The following SLIT1 variants were observed in gnomAD, a reference collection of about 807,000 sequenced individuals.
The protein encoded by SLIT1 is slit homolog 1 protein.
Under a neutral mutation model 186.1 loss-of-function variants are expected in SLIT1, and 66 were observed. The observed-to-expected ratio is 0.35, with a 90% CI of 0.29 to 0.44. The LOEUF is 0.44. SLIT1 is among the 20% of genes least tolerant of loss of function. The pLI, the probability that SLIT1 is intolerant of heterozygous loss-of-function variation, is 1.00. For missense variants in SLIT1, 1,638 were observed against 2,037.4 expected, an observed-to-expected ratio of 0.80 and a Z score of 3.77; for synonymous variants, 761 against 833.8, an observed-to-expected ratio of 0.91 and a Z score of 1.50.
chr10:97,102,046 A>G (rs190929900), intron 4 of SLIT1: 137 of 152,358 alleles, frequency 9.0e-4, no homozygotes, highest in African/African-American at 3.2e-3. Context: ...AGCTTGGACG[A>G]GCAGAATCAG....
At chr10:97,007,936 G>C (rs2134589418) in intron 31 of SLIT1, among the ~76,000 whole-genome samples, 1 of 148,462 alleles carries the variant, frequency 6.7e-6, no homozygotes, top group African/African-American at 2.5e-5. Context: ...GGAAGTTCTA[G>C]CCATGGCAGT....
chr10:97,074,490 G>C (rs750961767), intron 4 of SLIT1, among the ~76,000 whole-genome samples: 6 of 152,200 alleles, frequency 3.9e-5, no homozygotes, highest in Non-Finnish European at 7.4e-5. Context: ...AGGCAGGCAC[G>C]AGCAAGCACT....
chr10:97,052,148 G>C lies in SLIT1; in HGVS notation c.1302-3030C>G, dbSNP rs975412643. On this transcript the variant is annotated intron_variant, in intron 13 of 36. Transcript: ENST00000266058. ...TCGGTCTCAGGCTGTCACCCAGCCT[G>C]TGTGCAGTGGTGCAATCAGCTCATT... Among the ~76,000 whole-genome samples the C allele has an allele frequency of 1.2e-4, 17 of 138,376 alleles. No individual in the cohort carries two copies. In the East Asian group the frequency reaches 2.9e-3, roughly 23 times the overall value. 90.8% of individuals were successfully genotyped at this position (138,376 alleles called of 152,430 possible).
chr10:97,149,260 C>T (rs1238672263), intron 4 of SLIT1, among the ~76,000 whole-genome samples: 1 of 152,218 alleles, frequency 6.6e-6, no homozygotes, highest in African/African-American at 2.4e-5. Flanking sequence ...CGGAGACTCC[C>T]GTGCCGGCCC....
intron 16 of SLIT1, 46 bp from the exon 17 acceptor site, chr10:97,047,111 T>C: frequency 8.0e-7 from 1 of 1,242,406 alleles, no homozygotes; most frequent in Non-Finnish European, 1.2e-6. Context: ...ATGATGGACA[T>C]TTCAAATCCC....
intron 25 of SLIT1, among the ~76,000 whole-genome samples, chr10:97,030,305 C>T (rs1372406176): frequency 1.3e-5 from 2 of 152,200 alleles, no homozygotes; most frequent in Non-Finnish European, 1.5e-5. Context: ...TTATCCTGCA[C>T]TGTGTGAAGT....
At chr10:97,053,698 A>G (rs1848811593) in intron 13 of SLIT1, among the ~76,000 whole-genome samples, 2 of 152,232 alleles carry the variant, frequency 1.3e-5, no homozygotes, top group Non-Finnish European at 2.9e-5. Context: ...CAGGCTCAGA[A>G]TTAAAGATGT....
At chr10:97,105,170 G>A (rs2636776) in intron 4 of SLIT1, among the ~76,000 whole-genome samples, 1 of 151,962 alleles carries the variant, frequency 6.6e-6, no homozygotes, top group Admixed American at 6.5e-5. Flanking sequence ...AAGAAGGGGG[G>A]CATGCTCCTT....
chr10:97,128,249 G>A (rs1849621697), intron 4 of SLIT1, among the ~76,000 whole-genome samples: 2 of 152,148 alleles, frequency 1.3e-5, no homozygotes, highest in Non-Finnish European at 2.9e-5. Context: ...GCAAGCCTGA[G>A]CCAGGGAGTC....
rs1200814381 is a variant in SLIT1, at chr10:97,068,670, C to G, written c.414-2584G>C. Among the ~76,000 whole-genome samples, 4 of 152,212 alleles carry G rather than the reference C, an allele frequency of 2.6e-5. No homozygotes were observed. Among genetic ancestry groups the G allele is most frequent in the African/African-American group, 9.6e-5 (4 of 41,454 alleles). On this transcript the variant is annotated intron_variant, in intron 4 of 36. Transcript: ENST00000266058. This position sits in a 1 kb window ranked among gnomAD's most constrained non-coding sequence, Gnocchi z 4.2. ...GCATCTCCCCTTCTTGTGGGGGAAG[C>G]TTCCTCCTCCCGCACTCGCCCGGCC...
rs948019800 is a variant in SLIT1 at position 97,095,620 on chromosome 10, C to A, written c.414-29534G>T. On this transcript the variant is annotated intron_variant, in intron 4 of 36. Coordinates refer to ENST00000266058, the MANE Select transcript of SLIT1 (RefSeq NM_003061.3). ...TACCGATTGGTCCCTGAAGCTATTC[C>A]CCCTGGTTAGAAAAGCCACCATACT... Among the ~76,000 whole-genome samples, 3 of 152,266 alleles carry A rather than the reference C, an allele frequency of 2.0e-5. No individual in the cohort carries two copies. In the East Asian group the frequency reaches 5.8e-4, roughly 29 times the overall value.
At position 97,063,542 on chromosome 10, in the gene SLIT1, TG is replaced by T; in HGVS notation, c.705del (p.Ile236SerfsTer76). ...WLSQWLRQRPTIGLFTQCSGP... is the reference protein window; with the variant it reads ...WLSQWLRQRPXIGLFTQCSGP... The stretch of plus-strand genomic sequence containing the variant: ...CCCGAGCACTGGGTGAAGAGCCCGA[TG>T]GTTGGCCGCTGCCTCAGCCACTGCG... On this transcript the variant is annotated frameshift_variant, in exon 8 of 37. Transcript: ENST00000266058. LOFTEE classifies it high-confidence loss of function. 1 of 1,613,190 alleles carries T rather than the reference TG, an allele frequency of 6.2e-7. No individual in the cohort carries two copies. Among genetic ancestry groups the T allele is most frequent in the Non-Finnish European group, 8.5e-7 (1 of 1,179,900 alleles).
At chr10:97,034,603 CG>C (rs1357370915) in intron 22 of SLIT1, 61 bp from the exon 23 acceptor site, 1 of 1,434,628 alleles carries the variant, frequency 7.0e-7, no homozygotes, top group Non-Finnish European at 9.8e-7. Flanking sequence ...CTCACATTCA[CG>C]GGCTTCTTCC....
intron 13 of SLIT1, among the ~76,000 whole-genome samples, chr10:97,051,965 A>G (rs1455224037): frequency 2.6e-5 from 4 of 152,232 alleles, no homozygotes; most frequent in African/African-American, 9.6e-5. Context: ...TATTTACACA[A>G]TGGAAAAATT....
chr10:97,002,151 C>T lies in SLIT1; in HGVS notation c.4366+7G>A, dbSNP rs1446876282. 2.1e-6 allele frequency: 3 copies of T among 1,435,968 alleles called. No homozygotes were observed. The highest frequency in any genetic ancestry group is 2.9e-5 in the African/African-American group (2 of 69,312). 89.0% of individuals were successfully genotyped at this position (1,435,968 alleles called of 1,614,324 possible). ...GGGGAGGGCACGTCAGGAGGGGGGC[C>T]CCTGACCTTGCTCACACAGCTCGCC... On this transcript the variant is annotated splice_region_variant and intron_variant, in intron 36 of 36. Coordinates refer to ENST00000266058, the MANE Select transcript of SLIT1 (RefSeq NM_003061.3).
At chr10:97,141,047 C>T (rs907773757) in intron 4 of SLIT1, among the ~76,000 whole-genome samples, 3 of 152,172 alleles carry the variant, frequency 2.0e-5, no homozygotes, top group South Asian at 2.1e-4. Context: ...CTTCCCTACT[C>T]GCAAGTCCTC....
intron 24 of SLIT1, 70 bp from the exon 25 acceptor site, chr10:97,030,898 C>A: frequency 7.4e-7 from 1 of 1,358,682 alleles, no homozygotes; most frequent in Admixed American, 1.7e-5. Flanking sequence ...AGGGAGAGGC[C>A]CAGCCCTCTG....
intron 13 of SLIT1, among the ~76,000 whole-genome samples, chr10:97,052,796 C>T (rs753777023): frequency 6.6e-6 from 1 of 152,312 alleles, no homozygotes; most frequent in Non-Finnish European, 1.5e-5. Context: ...TAAAATAAGA[C>T]TCAGTCAAGA....
chr10:97,128,728 G>A (rs1182351468), intron 4 of SLIT1, among the ~76,000 whole-genome samples: 1 of 152,182 alleles, frequency 6.6e-6, no homozygotes. Flanking sequence ...GTTTGTGCAA[G>A]AGCAAGATGA....
Sources: gnomAD v4.1 joint callset for allele counts (sites outside exome capture counted in the v4.1 genomes callset) on GRCh38, gnomAD v4.1.1 for gene constraint, Gnocchi (gnomAD v3.1) non-coding constraint, MANE v1.5 for transcripts, NCBI Gene and HGNC (gene_info 2026-07-23, HGNC 2026-07-21) for gene names.